The following DYNC1H1 variants were observed in gnomAD, a reference collection of about 807,000 sequenced individuals.
The protein encoded by DYNC1H1 is cytoplasmic dynein 1 heavy chain 1.
DYNC1H1 carries 51 observed loss-of-function variants against 527.1 expected under a neutral mutation model. The ratio of observed to expected loss-of-function variants is 0.10; its 90% confidence interval spans 0.08 to 0.12. The LOEUF is 0.12. Among genes scored for constraint, DYNC1H1 ranks in the 10% least tolerant of loss-of-function variants. The probability of loss-of-function intolerance (pLI) is 1.00; values close to 1 mark genes in which losing one functional copy is unlikely to be tolerated. For synonymous variants in DYNC1H1, 2,189 were observed against 2,278.8 expected, an observed-to-expected ratio of 0.96 and a Z score of 1.12; for missense variants, 2,771 against 5,971.8, an observed-to-expected ratio of 0.46 and a Z score of 17.66.
intron 43 of DYNC1H1, among the ~76,000 whole-genome samples, chr14:102,025,897 C>A (rs745684125): frequency 6.6e-6 from 1 of 151,992 alleles, no homozygotes; most frequent in Non-Finnish European, 1.5e-5. Flanking sequence ...ACCGGCAGAT[C>A]ACAAGGTCAA....
Position 101,986,913 on chromosome 14 carries a change from A to C in DYNC1H1, c.2538+150A>C. ...GCTGCAAGGGAGGAGGACCCTTTGT[A>C]CTCACCGGGCTATTTAATGGTGCTG... is the stretch of plus-strand genomic sequence containing the variant. On this transcript the variant is annotated intron_variant, in intron 8 of 77. Coordinates refer to ENST00000360184, the MANE Select transcript of DYNC1H1 (RefSeq NM_001376.5). This position sits in a 1 kb window ranked among gnomAD's most constrained non-coding sequence, Gnocchi z 8.7. The C allele has an allele frequency of 1.0e-6, 1 of 1,002,608 alleles. No individual in the cohort carries two copies. The highest frequency in any genetic ancestry group is 1.3e-5 in the South Asian group (1 of 75,766). 62.1% of individuals were successfully genotyped at this position (1,002,608 alleles called of 1,614,324 possible). A position where few individuals can be genotyped will look rare whatever the true frequency, so the allele number is the denominator to read the frequency against.
Position 101,979,682 on chromosome 14 carries a change from A to G in DYNC1H1, c.519-37A>G. 1.9e-6 allele frequency: 3 copies of G among 1,613,280 alleles called. No individual in the cohort carries two copies. The highest frequency in any genetic ancestry group is 2.5e-6 in the Non-Finnish European group (3 of 1,180,006). ...TGATGGGATCTCTTTGGAGACCAATAGCACACTAAATGTTGAGGTATGAAA... is the reference window on the plus strand; with the variant it reads ...TGATGGGATCTCTTTGGAGACCAATGGCACACTAAATGTTGAGGTATGAAA... On this transcript the variant is annotated intron_variant, in intron 3 of 77. Coordinates refer to ENST00000360184, the MANE Select transcript of DYNC1H1 (RefSeq NM_001376.5). The surrounding 1 kb of genome is among the most constrained non-coding windows in gnomAD (Gnocchi z 4.6).
chr14:101,966,860 C>A (rs1373413095), intron 1 of DYNC1H1, among the ~76,000 whole-genome samples: 1 of 152,124 alleles, frequency 6.6e-6, no homozygotes, highest in Non-Finnish European at 1.5e-5. Flanking sequence ...AGTACAATAT[C>A]TACTACAAAT....
rs551639003 is a variant in DYNC1H1, at chr14:102,025,327, C to T, written c.8638-1247C>T. ...GGCTGAGGCAGGAGAATCACTTAAACCTGGGAGGCAGAGGTTGCAGTGAGC... is the reference window on the plus strand; with the variant it reads ...GGCTGAGGCAGGAGAATCACTTAAATCTGGGAGGCAGAGGTTGCAGTGAGC... On this transcript the variant is annotated intron_variant, in intron 43 of 77. Coordinates refer to ENST00000360184, the MANE Select transcript of DYNC1H1 (RefSeq NM_001376.5). 7.2e-5 allele frequency among the ~76,000 whole-genome samples: 11 copies of T among 152,070 alleles called. No homozygotes were observed. In the East Asian group the frequency reaches 2.1e-3, roughly 30 times the overall value.
chr14:102,044,439 C>T lies in DYNC1H1; in HGVS notation c.12850C>T (p.Leu4284=), dbSNP rs1275176699. The change falls in exon 71 of 78, where the codon CTG becomes TTG. Residue 4284 remains leucine, a synonymous_variant. Transcript: ENST00000360184. The surrounding 1 kb of genome is among the most constrained non-coding windows in gnomAD (Gnocchi z 7.1). ...CAGGAGTTTCGACAGTGAGTTTAAG[C>T]TGGCATGCAAGGTCGACGGACATAA... The part of the protein sequence containing the change: ...TTRSFDSEFK[L]ACKVDGHKDI... The T allele has an allele frequency of 2.5e-6, 4 of 1,614,096 alleles. No homozygotes were observed. The highest frequency in any genetic ancestry group is 2.7e-5 in the African/African-American group (2 of 74,938).
At chr14:102,019,854 G>A (rs375280054) in intron 41 of DYNC1H1, 39 bp from the exon 42 acceptor site, 11 of 1,613,398 alleles carry the variant, frequency 6.8e-6, no homozygotes, top group Non-Finnish European at 8.5e-6. Context: ...TGTGTCTTAA[G>A]ATATTTACGT....
chr14:101,994,042 C>T lies in DYNC1H1; in HGVS notation c.3016-142C>T, dbSNP rs17540894. ...AAGTAGGCTTTCTGGTTACTTGTGG[C>T]CAGGGTAAGTGGATGTTATCCCTTA... On this transcript the variant is annotated intron_variant, in intron 11 of 77. Coordinates refer to ENST00000360184, the MANE Select transcript of DYNC1H1 (RefSeq NM_001376.5). 4.6e-3 allele frequency: 5,235 copies of T among 1,140,540 alleles called. 176 individuals carry two copies. The African/African-American group carries it at 0.071, about 15-fold the overall frequency. 70.7% of individuals were successfully genotyped at this position (1,140,540 alleles called of 1,614,324 possible).
chr14:101,984,054 G>C lies in DYNC1H1; in HGVS notation c.1461+445G>C, dbSNP rs117720049. ...GTGATCTTGGCTCACTGCAGCCTTC[G>C]CCTCCCGGGCTCAAGCAGTCCTCCT... On this transcript the variant is annotated intron_variant, in intron 7 of 77. Transcript: ENST00000360184. Among the ~76,000 whole-genome samples, 92 of 152,118 alleles carry C rather than the reference G, an allele frequency of 6.0e-4. No individual in the cohort carries two copies. The East Asian group carries it at 0.017, about 27-fold the overall frequency.
Position 102,029,499 on chromosome 14 carries a change from G to C in DYNC1H1, c.9469-40G>C. ...TTGTTTTCTGAGGTTAAGTCACAGA[G>C]TTTCCTGAAGAGTGAGAAGATGTAA... On this transcript the variant is annotated intron_variant, in intron 48 of 77. Coordinates refer to ENST00000360184, the MANE Select transcript of DYNC1H1 (RefSeq NM_001376.5). This position sits in a 1 kb window ranked among gnomAD's most constrained non-coding sequence, Gnocchi z 5.3. 1.2e-6 allele frequency: 2 copies of C among 1,613,884 alleles called. No individual in the cohort carries two copies. The highest frequency in any genetic ancestry group is 8.5e-7 in the Non-Finnish European group (1 of 1,179,882).
intron 1 of DYNC1H1, among the ~76,000 whole-genome samples, chr14:101,972,952 A>G (rs138448159): frequency 2.6e-5 from 4 of 152,156 alleles, no homozygotes; most frequent in Non-Finnish European, 5.9e-5. Context: ...CTATGCTTAC[A>G]TTTTACAGGT....
In DYNC1H1 at chr14:102,050,099, C is replaced by T; in HGVS notation, c.13713C>T (p.Asn4571=). The T allele has an allele frequency of 6.4e-7, 1 of 1,563,326 alleles. No individual in the cohort carries two copies. The highest frequency in any genetic ancestry group is 8.6e-7 in the Non-Finnish European group (1 of 1,165,644). The change falls in exon 77 of 78, where the codon AAC becomes AAT. Residue 4571 remains asparagine, a synonymous_variant. Transcript: ENST00000360184. ...TGAAACTTCAAGGGGCCACGTGCAA[C>T]AACAACAAGCTGTCACTGTCCAATG... ...TGLKLQGATC[N]NNKLSLSNAI... is the part of the protein sequence containing the mutation.
In DYNC1H1 at chr14:102,005,280, C is replaced by T. The variant is rs760810610; in HGVS notation, c.5433+44C>T. 1.2e-6 allele frequency: 2 copies of T among 1,607,092 alleles called. No individual in the cohort carries two copies. Among genetic ancestry groups the T allele is most frequent in the South Asian group, 1.1e-5 (1 of 90,896 alleles). The stretch of plus-strand genomic sequence containing the variant: ...TCCTTCCTTACCAGTTAGACTCTTA[C>T]ACCCTCAACCACACAGTTAAATGGA... On this transcript the variant is annotated intron_variant, in intron 26 of 77. Transcript: ENST00000360184. This position sits in a 1 kb window ranked among gnomAD's most constrained non-coding sequence, Gnocchi z 4.0.
At position 102,016,776 on chromosome 14, in the gene DYNC1H1, G is replaced by C. The variant is rs769101846; in HGVS notation, c.7625G>C (p.Ser2542Thr). ...CATCTCCGTGTGTAGGTGTCCATCA[G>C]CGGAGAATGGTCTCCGTGGCAGGCC... ...IPIIDYEVSI[S>T]GEWSPWQAKV... The change falls in exon 38 of 78, where the codon AGC (serine) becomes ACC (threonine). Residue 2542 changes from serine (S) to threonine (T), a missense_variant. Physicochemically the swap from Ser to Thr is moderately conservative, Grantham distance 58. This residue lies in a region of DYNC1H1 where 71 missense variants were observed against 143.6 expected (regional missense o/e 0.49). Coordinates refer to ENST00000360184, the MANE Select transcript of DYNC1H1 (RefSeq NM_001376.5). This position sits in a 1 kb window ranked among gnomAD's most constrained non-coding sequence, Gnocchi z 7.3. The C allele has an allele frequency of 1.2e-6, 2 of 1,613,740 alleles. No individual in the cohort carries two copies. The highest frequency in any genetic ancestry group is 1.7e-6 in the Non-Finnish European group (2 of 1,179,946).
chr14:102,004,460 G>T, intron 23 of DYNC1H1, 58 bp from the exon 24 acceptor site: 2 of 1,533,524 alleles, frequency 1.3e-6, no homozygotes, highest in South Asian at 1.2e-5. Context: ...ATCTTACCTT[G>T]ATTCACCTTA....
At chr14:102,022,289 G>A (rs1371483862) in intron 42 of DYNC1H1, among the ~76,000 whole-genome samples, 1 of 151,784 alleles carries the variant, frequency 6.6e-6, no homozygotes, top group Non-Finnish European at 1.5e-5. Context: ...GAGGTCAGGA[G>A]ATCGAGACCA....
rs546783850 is a variant in DYNC1H1 at position 101,997,805 on chromosome 14, T to A, written c.3804+531T>A. Among the ~76,000 whole-genome samples, 1 of 152,180 alleles carries A rather than the reference T, an allele frequency of 6.6e-6. No homozygotes were observed. Among genetic ancestry groups the A allele is most frequent in the Non-Finnish European group, 1.5e-5 (1 of 68,044 alleles). On this transcript the variant is annotated intron_variant, in intron 16 of 77. Transcript: ENST00000360184. This position sits in a 1 kb window ranked among gnomAD's most constrained non-coding sequence, Gnocchi z 4.8. The stretch of plus-strand genomic sequence containing the variant: ...GGCCTTGTTCTAGGTCATTGAGATA[T>A]AGCAGTGAGTGAAAAGGACAAGAGC...
intron 64 of DYNC1H1, 86 bp downstream of exon 64, chr14:102,040,759 T>G (rs2048639996): frequency 6.6e-7 from 1 of 1,505,176 alleles, no homozygotes; most frequent in African/African-American, 1.4e-5. Flanking sequence ...AAACACAAAG[T>G]TACTAGCCTG....
chr14:102,007,253 G>A, intron 28 of DYNC1H1, 145 bp downstream of exon 28: 1 of 778,686 alleles, frequency 1.3e-6, no homozygotes, highest in Non-Finnish European at 2.2e-6. Context: ...AGTAGGGATA[G>A]GTGTTATTTT....
At chr14:101,974,112 T>A (rs535311873) in intron 1 of DYNC1H1, among the ~76,000 whole-genome samples, 5 of 152,328 alleles carry the variant, frequency 3.3e-5, no homozygotes, top group Non-Finnish European at 5.9e-5. Context: ...TTATTTATTT[T>A]TTTTGAGATG....
Sources: allele counts gnomAD v4.1 joint callset (sites outside exome capture counted in the v4.1 genomes callset), GRCh38; gene constraint gnomAD v4.1.1; regional missense constraint gnomAD v4.1.1; non-coding constraint Gnocchi (gnomAD v3.1); transcripts MANE v1.5; gene names NCBI Gene and HGNC (gene_info 2026-07-23, HGNC 2026-07-21).